SLCO4C1: variants seen among roughly 807,000 people sequenced by gnomAD.
SLCO4C1 encodes the protein organic anion transporter M1.
Under a neutral mutation model 72.1 loss-of-function variants are expected in SLCO4C1, and 58 were observed. That is an observed-to-expected ratio of 0.80 (90% CI 0.65 to 1.00). The LOEUF (loss-of-function observed/expected upper bound fraction) is 1.00, where lower values mean the gene tolerates loss of function less well. Ranked by LOEUF, SLCO4C1 falls within the 50% of genes least tolerant of loss-of-function variation. The pLI is 0.00. For missense variants in SLCO4C1, 898 were observed against 857.9 expected (o/e 1.05, Z -0.58); for synonymous variants, 297 against 312.5 (o/e 0.95, Z 0.52).
At chr5:102,260,036 G>C (rs926201486) in intron 6 of SLCO4C1, among the ~76,000 whole-genome samples, 177 bp downstream of exon 6, 1 of 151,834 alleles carries the variant, frequency 6.6e-6, no homozygotes. Context: ...GTGTTGGTGT[G>C]TGTGGGTTTA....
At chr5:102,275,527 T>C (rs955874311) in intron 2 of SLCO4C1, among the ~76,000 whole-genome samples, 2 of 152,158 alleles carry the variant, frequency 1.3e-5, no homozygotes, top group Non-Finnish European at 2.9e-5. Context: ...AACTATGACA[T>C]GAATGGTCAT....
chr5:102,247,945 G>A (rs550049311), intron 9 of SLCO4C1, among the ~76,000 whole-genome samples: 1 of 103,582 alleles, frequency 9.7e-6, no homozygotes, highest in Non-Finnish European at 1.9e-5. Flanking sequence ...TTTTTTTGGT[G>A]CTAAAGCCAT....
At position 102,234,415 on chromosome 5, in the gene SLCO4C1, T is replaced by C. The variant is rs1354993281; in HGVS notation, c.*2443A>G. 1 of 152,598 alleles carries C rather than the reference T, an allele frequency of 6.6e-6. No individual in the cohort carries two copies. Among genetic ancestry groups the C allele is most frequent in the Non-Finnish European group, 1.5e-5 (1 of 68,022 alleles). 9.5% of individuals were successfully genotyped at this position (152,598 alleles called of 1,614,324 possible). On this transcript the variant is annotated 3_prime_UTR_variant, in exon 13 of 13. Coordinates refer to ENST00000310954, the MANE Select transcript of SLCO4C1 (RefSeq NM_180991.5). ...AGGTATTCTTTTAAAATATGTACCTTATATATAAAAGCTCCTGACTCCTTT... is the reference window on the plus strand; with the variant it reads ...AGGTATTCTTTTAAAATATGTACCTCATATATAAAAGCTCCTGACTCCTTT...
chr5:102,291,648 C>T (rs1360319646), intron 1 of SLCO4C1, 42 bp from the exon 2 acceptor site: 1 of 1,503,372 alleles, frequency 6.7e-7, no homozygotes, highest in South Asian at 1.2e-5. Context: ...AATATTTTAC[C>T]ATACGATTAA....
chr5:102,252,400 T>C (rs1378871025), intron 8 of SLCO4C1, among the ~76,000 whole-genome samples: 2 of 152,170 alleles, frequency 1.3e-5, no homozygotes, highest in African/African-American at 4.8e-5. Context: ...CCACTCTGCC[T>C]GCAGTCTCAT....
At chr5:102,286,204 T>G (rs928334948) in intron 2 of SLCO4C1, among the ~76,000 whole-genome samples, 3 of 152,110 alleles carry the variant, frequency 2.0e-5, no homozygotes, top group Admixed American at 1.3e-4. Context: ...AAGGTTTCTT[T>G]GAGGGAAAGG....
In SLCO4C1 at chr5:102,285,212, TAC is replaced by T. The variant is rs3070619; in HGVS notation, c.619+6129_619+6130del. ...ATCCAGGATAATTCATATATATACA[TAC>T]ACACACACACACACACACACACACA... On this transcript the variant is annotated intron_variant, in intron 2 of 12. Coordinates refer to ENST00000310954, the MANE Select transcript of SLCO4C1 (RefSeq NM_180991.5). Among the ~76,000 whole-genome samples the T allele has an allele frequency of 5.1e-3, 758 of 147,938 alleles. 6 individuals are homozygous for T. Among genetic ancestry groups the T allele is most frequent in the African/African-American group, 0.017 (675 of 39,816 alleles).
At chr5:102,255,100 CAT>C (rs1157382267) in intron 8 of SLCO4C1, among the ~76,000 whole-genome samples, 2 of 149,024 alleles carry the variant, frequency 1.3e-5, no homozygotes, top group East Asian at 1.9e-4. Context: ...TATACACACA[CAT>C]ACATAAATAT....
At chr5:102,249,394 T>C (rs1396500289) in intron 9 of SLCO4C1, among the ~76,000 whole-genome samples, 1 of 152,144 alleles carries the variant, frequency 6.6e-6, no homozygotes, top group Non-Finnish European at 1.5e-5. Flanking sequence ...AGGTAAAAGA[T>C]ATTTCATAAC....
chr5:102,291,105 A>G (rs1339642318), intron 2 of SLCO4C1, among the ~76,000 whole-genome samples: 1 of 152,208 alleles, frequency 6.6e-6, no homozygotes, highest in Non-Finnish European at 1.5e-5. Flanking sequence ...AGGACTGTGT[A>G]TAATATGGGG....
In SLCO4C1 at chr5:102,236,407, A is replaced by G. The variant is rs1748432377; in HGVS notation, c.*451T>C. On this transcript the variant is annotated 3_prime_UTR_variant, in exon 13 of 13. Transcript: ENST00000310954. ...ATTAGTTTAAATTTTTATACCATAA[A>G]TGTTCTAAGCTCAAAATATTGACAA... The G allele has an allele frequency of 6.6e-6, 1 of 152,612 alleles. No homozygotes were observed. The highest frequency in any genetic ancestry group is 6.5e-5 in the Admixed American group (1 of 15,280). 9.5% of individuals were successfully genotyped at this position (152,612 alleles called of 1,614,324 possible).
At chr5:102,293,251 C>G (rs141020327) in intron 1 of SLCO4C1, among the ~76,000 whole-genome samples, 5 of 152,034 alleles carry the variant, frequency 3.3e-5, no homozygotes, top group Non-Finnish European at 5.9e-5. Context: ...TTTTCCGCAT[C>G]CAATAAAATC....
intron 12 of SLCO4C1, among the ~76,000 whole-genome samples, chr5:102,238,433 A>C (rs1296485104): frequency 6.6e-6 from 1 of 152,146 alleles, no homozygotes; most frequent in Non-Finnish European, 1.5e-5. Flanking sequence ...CAAGTGCTAT[A>C]AGAATTTATA....
chr5:102,250,968 C>A (rs1246570058), intron 8 of SLCO4C1, among the ~76,000 whole-genome samples: 2 of 151,584 alleles, frequency 1.3e-5, no homozygotes, highest in South Asian at 4.2e-4. Context: ...GCCTGGGCAA[C>A]AGAGTGAGAC....
rs553053280 is a variant in SLCO4C1 at position 102,236,953 on chromosome 5, G to A, written c.2080C>T (p.Pro694Ser). 1.2e-6 allele frequency: 2 copies of A among 1,612,456 alleles called. No individual in the cohort carries two copies. Among genetic ancestry groups the A allele is most frequent in the East Asian group, 2.2e-5 (1 of 44,758 alleles). The change falls in exon 13 of 13, where the codon CCA (proline) becomes TCA (serine). Residue 694 changes from proline to serine, a missense_variant. Pro to Ser is a moderately conservative substitution (Grantham distance 74). Coordinates refer to ENST00000310954, the MANE Select transcript of SLCO4C1 (RefSeq NM_180991.5). ...GFAIFLYKPP[P>S]SATDVSFHKE... ...TGAAATGACACATCTGTGGCTGATG[G>A]AGGTGGTTTATACAAAAAGATTGCA...
intron 3 of SLCO4C1, among the ~76,000 whole-genome samples, chr5:102,269,510 C>T (rs955680732): frequency 6.6e-6 from 1 of 152,140 alleles, no homozygotes; most frequent in Admixed American, 6.6e-5. Context: ...TCATTTAATT[C>T]ATCAGTTGCA....
At chr5:102,294,569 T>A (rs1415258065) in intron 1 of SLCO4C1, among the ~76,000 whole-genome samples, 3 of 152,232 alleles carry the variant, frequency 2.0e-5, no homozygotes, top group African/African-American at 4.8e-5. Flanking sequence ...TTTACTTGTG[T>A]CCAACTTTTT....
intron 2 of SLCO4C1, among the ~76,000 whole-genome samples, chr5:102,271,432 C>T (rs1580258262): frequency 6.6e-6 from 1 of 151,298 alleles, no homozygotes; most frequent in Non-Finnish European, 1.5e-5. Context: ...TTTGGGCAAG[C>T]CTATCTATAG....
At chr5:102,276,251 T>C (rs1749244506) in intron 2 of SLCO4C1, among the ~76,000 whole-genome samples, 1 of 152,204 alleles carries the variant, frequency 6.6e-6, no homozygotes, top group Non-Finnish European at 1.5e-5. Flanking sequence ...TCCACTTTTA[T>C]CTTCATCTGA....
Sources: allele counts gnomAD v4.1 joint callset (sites outside exome capture counted in the v4.1 genomes callset), GRCh38; gene constraint gnomAD v4.1.1; transcripts MANE v1.5; gene names NCBI Gene and HGNC (gene_info 2026-07-23, HGNC 2026-07-21).